Variants in TBX5 observed in about 807,000 individuals in gnomAD.
The protein encoded by TBX5 is T-box transcription factor 5.
A neutral mutation model predicts 51.1 loss-of-function variants in TBX5; 8 were observed. The observed-to-expected ratio is 0.16, with a 90% CI of 0.09 to 0.28. The LOEUF (loss-of-function observed/expected upper bound fraction) is 0.28, where lower values mean the gene tolerates loss of function less well. Ranked by LOEUF, TBX5 falls within the 10% of genes least tolerant of loss-of-function variation. The pLI is 1.00. For synonymous variants in TBX5, 302 were observed against 266.4 expected, an observed-to-expected ratio of 1.13 and a Z score of -1.30; for missense variants, 589 against 671.7, an observed-to-expected ratio of 0.88 and a Z score of 1.36.
intron 6 of TBX5, among the ~76,000 whole-genome samples, chr12:114,391,496 G>A (rs1164938459): frequency 6.6e-6 from 1 of 152,148 alleles, no homozygotes; most frequent in Non-Finnish European, 1.5e-5. Flanking sequence ...CTCTCTGCCA[G>A]GTCCCACATG....
chr12:114,388,278 C>T (rs1870935522), intron 6 of TBX5, among the ~76,000 whole-genome samples: 1 of 152,172 alleles, frequency 6.6e-6, no homozygotes. Flanking sequence ...GTGTCTCAGC[C>T]TCCCAAGTAG....
upstream of TBX5, among the ~76,000 whole-genome samples, chr12:114,406,772 TCAAA>T (rs1233564384): frequency 2.0e-5 from 3 of 152,044 alleles, no homozygotes; most frequent in Non-Finnish European, 2.9e-5. Context: ...ATTAAAATAA[TCAAA>T]CAGTCACTGG....
Position 114,405,863 on chromosome 12 carries a change from C to G in TBX5, c.-274G>C. ...GTGCGCTTGCTCTCCCTAAATACTT[C>G]CCAGTTGGCAAGCGCCAAAGAACAC... On this transcript the variant is annotated 5_prime_UTR_variant, in exon 1 of 9. Transcript: ENST00000405440. 1.0e-6 allele frequency: 1 copy of G among 985,516 alleles called. No individual in the cohort carries two copies. 61.0% of individuals were successfully genotyped at this position (985,516 alleles called of 1,614,324 possible). A position where few individuals can be genotyped will look rare whatever the true frequency, so the allele number is the denominator to read the frequency against.
At chr12:114,364,263 T>C (rs1299908452) in intron 8 of TBX5, among the ~76,000 whole-genome samples, 1 of 152,240 alleles carries the variant, frequency 6.6e-6, no homozygotes, top group African/African-American at 2.4e-5. Flanking sequence ...CACTGGGCAC[T>C]GGATTCACAA....
intron 7 of TBX5, among the ~76,000 whole-genome samples, chr12:114,373,545 G>A (rs148567911): frequency 0.013 from 1,932 of 152,258 alleles, 19 homozygotes; most frequent in Non-Finnish European, 0.021. Flanking sequence ...TGCAACCTCT[G>A]CCTCTCAGGT....
intron 6 of TBX5, among the ~76,000 whole-genome samples, chr12:114,390,282 T>C (rs548810228): frequency 4.0e-4 from 61 of 152,378 alleles, no homozygotes; most frequent in African/African-American, 1.3e-3. Context: ...TAACCATGTT[T>C]ATAAAGTTCC....
At chr12:114,405,264 G>T (rs895955826) in intron 1 of TBX5, among the ~76,000 whole-genome samples, 2 of 152,144 alleles carry the variant, frequency 1.3e-5, no homozygotes, top group African/African-American at 4.8e-5. Flanking sequence ...GAGCCCCGCT[G>T]CCTACTCACA....
chr12:114,363,735 G>A (rs1869365522), intron 8 of TBX5, among the ~76,000 whole-genome samples: 1 of 152,182 alleles, frequency 6.6e-6, no homozygotes, highest in African/African-American at 2.4e-5. Context: ...GAACCTTTCT[G>A]AGCCTCAGTT....
rs573310450 is a variant in TBX5 at position 114,401,764 on chromosome 12, T to C, written c.242+62A>G. The C allele has an allele frequency of 2.8e-4, 421 of 1,530,164 alleles. 2 individuals carry two copies. In the Middle Eastern group the frequency reaches 4.2e-3, roughly 15 times the overall value. 94.8% of individuals were successfully genotyped at this position (1,530,164 alleles called of 1,614,324 possible). ...TCCTTCTTCTCTTCCAAGCCACCTT[T>C]TCTTCTTCACCTCTCCCACAATTTC... On this transcript the variant is annotated intron_variant, in intron 3 of 8. Coordinates refer to ENST00000405440, the MANE Select transcript of TBX5 (RefSeq NM_181486.4).
chr12:114,375,179 A>G (rs1870121433), intron 7 of TBX5, among the ~76,000 whole-genome samples: 1 of 152,236 alleles, frequency 6.6e-6, no homozygotes, highest in Non-Finnish European at 1.5e-5. Context: ...TTGCAGAAAT[A>G]CAATCACGTG....
At position 114,355,954 on chromosome 12, in the gene TBX5, T is replaced by A. The variant is rs759607221; in HGVS notation, c.1135A>T (p.Met379Leu). 9.9e-6 allele frequency: 16 copies of A among 1,613,864 alleles called. No individual in the cohort carries two copies. The highest frequency in any genetic ancestry group is 1.3e-5 in the African/African-American group (1 of 74,934). ...RTESAQRQAC[M>L]YASSAPPSEP... Reference sequence around the variant, plus strand: ...CTGGGGGGCGCAGAGCTGGCATACATGCAAGCTTGCCGCTGTGCCGACTCT... The same window carrying A: ...CTGGGGGGCGCAGAGCTGGCATACAAGCAAGCTTGCCGCTGTGCCGACTCT... The change falls in exon 9 of 9, where the codon ATG becomes TTG. Residue 379 changes from methionine (M) to leucine (L), a missense_variant. Transcript: ENST00000405440.
chr12:114,381,987 G>A (rs1228585273), intron 7 of TBX5, among the ~76,000 whole-genome samples: 1 of 152,178 alleles, frequency 6.6e-6, no homozygotes, highest in Non-Finnish European at 1.5e-5. Flanking sequence ...CATTCCATCT[G>A]CAAAGTTCCT....
At chr12:114,397,879 G>A (rs1871525479) in intron 5 of TBX5, among the ~76,000 whole-genome samples, 1 of 152,220 alleles carries the variant, frequency 6.6e-6, no homozygotes, top group African/African-American at 2.4e-5. Context: ...GGGGGCAGGT[G>A]AGCTGGGCTC....
At chr12:114,387,777 G>A (rs942236264) in intron 6 of TBX5, among the ~76,000 whole-genome samples, 3 of 152,168 alleles carry the variant, frequency 2.0e-5, no homozygotes, top group African/African-American at 7.2e-5. Context: ...AGCTATAGGG[G>A]AAATCTTGGT....
At chr12:114,358,338 C>T (rs1324949668) in intron 8 of TBX5, among the ~76,000 whole-genome samples, 2 of 152,186 alleles carry the variant, frequency 1.3e-5, no homozygotes, top group Non-Finnish European at 2.9e-5. Context: ...GAGGCTGACA[C>T]TCTGTGACTG....
chr12:114,401,130 C>CT (rs1474179582), intron 3 of TBX5, among the ~76,000 whole-genome samples: 3 of 152,310 alleles, frequency 2.0e-5, no homozygotes, highest in Non-Finnish European at 4.4e-5. Flanking sequence ...CTGCACCACT[C>CT]TCCTTCCTCC....
Position 114,355,122 on chromosome 12 carries a change from A to T in TBX5, c.*410T>A, listed in dbSNP as rs991967696. ...ATATATTATCATTTATTATATAACA[A>T]TGTCAACATTAACACCAAGACAGGG... On this transcript the variant is annotated 3_prime_UTR_variant, in exon 9 of 9. Transcript: ENST00000405440. 1.1e-5 allele frequency: 3 copies of T among 269,502 alleles called. No homozygotes were observed. The highest frequency in any genetic ancestry group is 7.4e-6 in the Non-Finnish European group (1 of 135,452). The allele number at this position is 269,502 out of a possible 1,614,324, so 16.7% of individuals were successfully genotyped here. A position where few individuals can be genotyped will look rare whatever the true frequency, so the allele number is the denominator to read the frequency against.
chr12:114,368,920 A>G (rs1049318953), intron 7 of TBX5, among the ~76,000 whole-genome samples: 1 of 152,168 alleles, frequency 6.6e-6, no homozygotes, highest in Non-Finnish European at 1.5e-5. Context: ...CGCACCAGTC[A>G]GAATCTCCCC....
intron 5 of TBX5, 60 bp from the exon 6 acceptor site, chr12:114,394,953 A>G: frequency 1.3e-6 from 2 of 1,560,010 alleles, no homozygotes; most frequent in Non-Finnish European, 1.8e-6. Flanking sequence ...GTCTCCAGAT[A>G]AAACCCTGCT....
Sources: allele counts gnomAD v4.1 joint callset (sites outside exome capture counted in the v4.1 genomes callset), GRCh38; gene constraint gnomAD v4.1.1; transcripts MANE v1.5; gene names NCBI Gene and HGNC (gene_info 2026-07-23, HGNC 2026-07-21).